N4BP2L2: variants seen among roughly 807,000 people sequenced by gnomAD.
The protein encoded by N4BP2L2 is NEDD4 binding protein 2 like 2, also known as NEDD4-binding protein 2-like 2.
A neutral mutation model predicts 56.2 loss-of-function variants in N4BP2L2; 50 were observed. The ratio of observed to expected loss-of-function variants is 0.89; its 90% confidence interval spans 0.71 to 1.13. The LOEUF is 1.13. N4BP2L2 is among the 50% of genes most tolerant of loss of function. The pLI, the probability that N4BP2L2 is intolerant of heterozygous loss-of-function variation, is 0.00. For missense variants in N4BP2L2, 689 were observed against 693.8 expected (o/e 0.99, Z 0.08); for synonymous variants, 203 against 223.6 (o/e 0.91, Z 0.82).
intron 6 of N4BP2L2, among the ~76,000 whole-genome samples, chr13:32,454,615 A>G (rs2138558382): frequency 6.6e-6 from 1 of 152,324 alleles, no homozygotes; most frequent in South Asian, 2.1e-4. Flanking sequence ...ACTATTTTAA[A>G]TATGCTAAAA....
At chr13:32,450,947 T>A (rs1256437508) in intron 6 of N4BP2L2, among the ~76,000 whole-genome samples, 1 of 142,634 alleles carries the variant, frequency 7.0e-6, no homozygotes, top group Admixed American at 7.2e-5. Flanking sequence ...AACTCCTGGA[T>A]TCAAATGATC....
At position 32,536,777 on chromosome 13, in the gene N4BP2L2, T is replaced by A. The variant is rs754765384; in HGVS notation, c.251A>T (p.Asp84Val). ...ATCTGGTCTATTACCAGGCATCTCATCATGCAAAGGTCTATGCAAATCTGT... is the reference window on the plus strand; with the variant it reads ...ATCTGGTCTATTACCAGGCATCTCAACATGCAAAGGTCTATGCAAATCTGT... Residue 84 changes from aspartate to valine, a missense_variant, in exon 2 of 6, where the codon GAT becomes GTT. Coordinates refer to ENST00000267068, the Ensembl canonical transcript of N4BP2L2. 5 of 1,614,154 alleles carry A rather than the reference T, an allele frequency of 3.1e-6. No homozygotes were observed. The East Asian group carries it at 1.1e-4, about 36-fold the overall frequency.
chr13:32,446,323 T>C, intron 6 of N4BP2L2: 1 of 1,324,132 alleles, frequency 7.6e-7, no homozygotes, highest in South Asian at 1.2e-5. Context: ...AAGAGTGCTA[T>C]CTGTGGTTGT....
chr13:32,434,672 A>G (rs1285948757), intron 9 of N4BP2L2, among the ~76,000 whole-genome samples: 2 of 152,152 alleles, frequency 1.3e-5, no homozygotes, highest in Non-Finnish European at 2.9e-5. Flanking sequence ...AGCCAACCAG[A>G]TTCTCCTGCT....
At chr13:32,499,407 T>C (rs1464838765) in intron 6 of N4BP2L2, among the ~76,000 whole-genome samples, 1 of 147,790 alleles carries the variant, frequency 6.8e-6, no homozygotes, top group Non-Finnish European at 1.5e-5. Context: ...ATTAACTGCA[T>C]AGGTTGTCCC....
At chr13:32,522,034 T>C in intron 4 of N4BP2L2, 148 bp downstream of exon 4, 1 of 599,650 alleles carries the variant, frequency 1.7e-6, no homozygotes, top group Non-Finnish European at 2.9e-6. Flanking sequence ...TCATTCACAA[T>C]TTTTTTAAAA....
chr13:32,526,816 C>CTTTTTTTTTTTT (rs2052975801), intron 3 of N4BP2L2: 2 of 7,548 alleles, frequency 2.6e-4, no homozygotes, highest in African/African-American at 3.9e-4. Flanking sequence ...CACTTTTTGT[C>CTTTTTTTTTTTT]TGTTTTTTTT....
intron 6 of N4BP2L2, among the ~76,000 whole-genome samples, chr13:32,451,992 C>A (rs2078115874): frequency 1.3e-5 from 2 of 152,014 alleles, no homozygotes; most frequent in Non-Finnish European, 2.9e-5. Context: ...TTGTTCACTG[C>A]AATCATATGC....
intron 9 of N4BP2L2, among the ~76,000 whole-genome samples, chr13:32,434,262 T>A (rs1335351080): frequency 6.8e-6 from 1 of 147,646 alleles, no homozygotes; most frequent in African/African-American, 2.5e-5. Flanking sequence ...TTTTCTTTTT[T>A]TTTTTTTTGT....
intron 6 of N4BP2L2, among the ~76,000 whole-genome samples, chr13:32,467,807 T>C (rs951629056): frequency 2.6e-5 from 4 of 151,076 alleles, no homozygotes; most frequent in Admixed American, 6.6e-5. Context: ...CTGACCAACA[T>C]AGCGAAACCC....
intron 6 of N4BP2L2, among the ~76,000 whole-genome samples, chr13:32,502,038 T>C (rs1201859635): frequency 6.6e-6 from 1 of 151,704 alleles, no homozygotes; most frequent in African/African-American, 2.4e-5. Context: ...AATCAAACTT[T>C]ATCCTTCTAG....
chr13:32,464,483 G>T (rs550360998), intron 6 of N4BP2L2, among the ~76,000 whole-genome samples: 2 of 152,132 alleles, frequency 1.3e-5, no homozygotes, highest in Admixed American at 6.5e-5. Context: ...GAAAGCTCAC[G>T]TCCAACAGGA....
chr13:32,498,214 G>C (rs998596530), intron 6 of N4BP2L2, among the ~76,000 whole-genome samples: 1 of 152,136 alleles, frequency 6.6e-6, no homozygotes, highest in African/African-American at 2.4e-5. Context: ...TCAAACTCCT[G>C]GTCCCTGTAA....
intron 6 of N4BP2L2, among the ~76,000 whole-genome samples, chr13:32,495,808 T>C (rs1566125301): frequency 6.6e-6 from 1 of 152,106 alleles, no homozygotes; most frequent in Admixed American, 6.5e-5. Context: ...CTCAGTCTCC[T>C]GAGTAGCTGG....
intron 7 of N4BP2L2, among the ~76,000 whole-genome samples, chr13:32,440,806 T>G (rs2076198916): frequency 6.6e-6 from 1 of 151,690 alleles, no homozygotes; most frequent in African/African-American, 2.4e-5. Flanking sequence ...ATATTTTTGC[T>G]CGTTTTATTC....
At chr13:32,534,432 A>T (rs1372176307) in intron 2 of N4BP2L2, among the ~76,000 whole-genome samples, 1 of 149,518 alleles carries the variant, frequency 6.7e-6, no homozygotes, top group Non-Finnish European at 1.5e-5. Flanking sequence ...TCTTTTATCC[A>T]GTTTCCAAAT....
rs747518301 is a variant in N4BP2L2 at position 32,443,958 on chromosome 13, C to G, written c.534G>C (p.Glu178Asp). The G allele has an allele frequency of 6.9e-6, 11 of 1,602,914 alleles. No homozygotes were observed. The South Asian group carries it at 1.2e-4, about 18-fold the overall frequency. ...CTCTTCTGGTCTTTTCAATGTCTTC[C>G]TCTTCACTCTGAGATGGGTCCTGAT... is the stretch of plus-strand genomic sequence containing the variant. Residue 178 changes from glutamate to aspartate, a missense_variant, in exon 7 of 10, where the codon GAG (glutamate) becomes GAC (aspartate). Transcript: ENST00000357505.
chr13:32,479,513 C>T (rs1163321493), intron 6 of N4BP2L2, among the ~76,000 whole-genome samples: 2 of 151,766 alleles, frequency 1.3e-5, no homozygotes, highest in Non-Finnish European at 2.9e-5. Context: ...GATCTCCTGA[C>T]CTCGTGATCC....
intron 8 of N4BP2L2, among the ~76,000 whole-genome samples, chr13:32,437,697 G>T (rs527609828): frequency 2.2e-4 from 34 of 152,280 alleles, no homozygotes; most frequent in Admixed American, 2.2e-3. Context: ...CATCTAATTT[G>T]TAGCTGTTAC....
Sources: allele counts gnomAD v4.1 joint callset (sites outside exome capture counted in the v4.1 genomes callset), GRCh38; gene constraint gnomAD v4.1.1; transcripts MANE v1.5; gene names NCBI Gene and HGNC (gene_info 2026-07-23, HGNC 2026-07-21).